The following CUL1 variants were observed in gnomAD, a reference collection of about 807,000 sequenced individuals.
The protein encoded by CUL1 is cullin 1.
Under a neutral mutation model 118.0 loss-of-function variants are expected in CUL1, and 24 were observed. The observed-to-expected ratio is 0.20, with a 90% CI of 0.15 to 0.29. CUL1 has a LOEUF of 0.29. Among genes scored for constraint, CUL1 ranks in the 10% least tolerant of loss-of-function variants. CUL1 has a pLI of 1.00. For synonymous variants in CUL1, 332 were observed against 340.4 expected (o/e 0.98, Z 0.27); for missense variants, 361 against 933.8 (o/e 0.39, Z 7.99).
At chr7:148,768,901 G>A (rs1156429785) in intron 9 of CUL1, among the ~76,000 whole-genome samples, 3 of 152,098 alleles carry the variant, frequency 2.0e-5, no homozygotes, top group Admixed American at 1.3e-4. Flanking sequence ...AATTATTAAA[G>A]GGTTGAGTAT....
At chr7:148,709,286 CA>C (rs1797977556) in intron 1 of CUL1, among the ~76,000 whole-genome samples, 1 of 152,016 alleles carries the variant, frequency 6.6e-6, no homozygotes, top group African/African-American at 2.4e-5. Flanking sequence ...TGTGATTTGG[CA>C]AAAAGAAAAA....
At position 148,767,641 on chromosome 7, in the gene CUL1, T is replaced by C; in HGVS notation, c.975T>C (p.Leu325=). Residue 325 remains leucine, a synonymous_variant, in exon 9 of 22, where the codon CTT becomes CTC. Coordinates refer to ENST00000325222, the MANE Select transcript of CUL1 (RefSeq NM_003592.3). ...KNEDLGRMYN[L]VSRIQDGLGE... is the part of the protein sequence containing the mutation. The stretch of plus-strand genomic sequence containing the variant: ...CAGATTTGGGACGCATGTATAATCT[T>C]GTATCTAGAATCCAGGATGGCCTAG... 1.2e-6 allele frequency: 2 copies of C among 1,613,886 alleles called. No homozygotes were observed. Among genetic ancestry groups the C allele is most frequent in the Admixed American group, 1.7e-5 (1 of 59,970 alleles).
intron 6 of CUL1, 93 bp from the exon 7 acceptor site, chr7:148,760,240 C>T: frequency 1.9e-6 from 2 of 1,039,996 alleles, no homozygotes; most frequent in Non-Finnish European, 2.7e-6. Flanking sequence ...ACCTTTTAAA[C>T]ATAACTTAAA....
At position 148,741,062 on chromosome 7, in the gene CUL1, T is replaced by C. The variant is rs151335974; in HGVS notation, c.140+10800T>C. Among the ~76,000 whole-genome samples the C allele has an allele frequency of 1.8e-3, 277 of 152,380 alleles. 1 individual carries two copies. The highest frequency in any genetic ancestry group is 6.2e-3 in the African/African-American group (258 of 41,586). On this transcript the variant is annotated intron_variant, in intron 2 of 21. Transcript: ENST00000325222. Reference sequence around the variant, plus strand: ...TTTAGTATAATGTTTTCTAACTTCATCCATGTTGTAGCATATGTCAGTACT... The same window carrying C: ...TTTAGTATAATGTTTTCTAACTTCACCCATGTTGTAGCATATGTCAGTACT...
intron 1 of CUL1, among the ~76,000 whole-genome samples, chr7:148,706,480 C>T (rs984219679): frequency 3.9e-5 from 6 of 152,220 alleles, no homozygotes; most frequent in African/African-American, 1.4e-4. Context: ...AGAGGGTCTC[C>T]TATTTGATGT....
At chr7:148,759,891 A>C (rs962767032) in intron 6 of CUL1, among the ~76,000 whole-genome samples, 2 of 152,176 alleles carry the variant, frequency 1.3e-5, no homozygotes, top group African/African-American at 4.8e-5. Flanking sequence ...TTCTGGTCTC[A>C]TAGTGAATTA....
intron 3 of CUL1, among the ~76,000 whole-genome samples, chr7:148,756,711 A>T (rs1017645699): frequency 6.6e-6 from 1 of 152,188 alleles, no homozygotes; most frequent in Non-Finnish European, 1.5e-5. Context: ...AATTACCCGC[A>T]TATCAAATGT....
intron 9 of CUL1, among the ~76,000 whole-genome samples, chr7:148,782,890 C>T (rs1250157000): frequency 2.0e-5 from 3 of 152,182 alleles, no homozygotes; most frequent in Non-Finnish European, 4.4e-5. Flanking sequence ...CCGGAGCTCC[C>T]TCCCACCAAC....
intron 1 of CUL1, among the ~76,000 whole-genome samples, chr7:148,717,308 G>C (rs912900492): frequency 1.3e-5 from 2 of 152,140 alleles, no homozygotes; most frequent in African/African-American, 4.8e-5. Context: ...CTGCCTGCCT[G>C]AGCCTTCCAA....
At chr7:148,726,389 A>G (rs1053791654) in intron 1 of CUL1, among the ~76,000 whole-genome samples, 2 of 142,206 alleles carry the variant, frequency 1.4e-5, no homozygotes, top group African/African-American at 5.2e-5. Context: ...GTCAAGCTTT[A>G]AAAAAAAAAA....
intron 1 of CUL1, among the ~76,000 whole-genome samples, chr7:148,700,185 A>G (rs1028681137): frequency 6.6e-6 from 1 of 152,270 alleles, no homozygotes; most frequent in African/African-American, 2.4e-5. Context: ...TGCTCTGTGT[A>G]ATTGCTCTTT....
Position 148,797,792 on chromosome 7 carries a change from CTT to C in CUL1, c.1900-16_1900-15del. ...AAATGCATTTTCCCTTTAACTTCCTCTTTTTCTCTTTAATTGCAGGACATTTT... is the reference window on the plus strand; with the variant it reads ...AAATGCATTTTCCCTTTAACTTCCTCTTTCTCTTTAATTGCAGGACATTTT... On this transcript the variant is annotated intron_variant, in intron 17 of 21. Transcript: ENST00000325222. 1 of 1,602,698 alleles carries C rather than the reference CTT, an allele frequency of 6.2e-7. No individual in the cohort carries two copies. Among genetic ancestry groups the C allele is most frequent in the East Asian group, 2.2e-5 (1 of 44,588 alleles).
intron 9 of CUL1, among the ~76,000 whole-genome samples, chr7:148,770,386 ATTAG>A (rs1800169316): frequency 6.6e-6 from 1 of 152,328 alleles, no homozygotes; most frequent in African/African-American, 2.4e-5. Flanking sequence ...AAAGTCAAAT[ATTAG>A]TTTTTTTTAG....
intron 11 of CUL1, 58 bp from the exon 12 acceptor site, chr7:148,786,493 T>TGTAGATCTC: frequency 7.7e-7 from 1 of 1,290,950 alleles, no homozygotes; most frequent in Admixed American, 1.7e-5. Context: ...TCTGGCTAAG[T>TGTAGATCTC]GGTGCTTGTT....
Position 148,729,942 on chromosome 7 carries a change from T to G in CUL1, c.-161-20T>G. ...AGTACCCCAGAGACAATCCACTGAT[T>G]CTCTTTATTTCTTCCTCAGGTTTGC... On this transcript the variant is annotated intron_variant, in intron 1 of 21. Coordinates refer to ENST00000325222, the MANE Select transcript of CUL1 (RefSeq NM_003592.3). The G allele has an allele frequency of 1.5e-6, 1 of 683,238 alleles. No homozygotes were observed. The highest frequency in any genetic ancestry group is 2.4e-6 in the Non-Finnish European group (1 of 418,318). The allele number at this position is 683,238 out of a possible 1,614,324, so 42.3% of individuals were successfully genotyped here. A position where few individuals can be genotyped will look rare whatever the true frequency, so the allele number is the denominator to read the frequency against.
chr7:148,788,437 CTTTGCTAGT>C (rs140011356), intron 13 of CUL1, 111 bp from the exon 14 acceptor site: 39,230 of 657,340 alleles, frequency 0.06, 1,464 homozygotes, highest in Middle Eastern at 0.096. Context: ...ATGTTACTAG[CTTTGCTAGT>C]AGTTCCATAT....
At chr7:148,790,220 G>A (rs902316770) in intron 15 of CUL1, 90 bp from the exon 16 acceptor site, 9 of 1,391,716 alleles carry the variant, frequency 6.5e-6, no homozygotes, top group Admixed American at 3.5e-5. Flanking sequence ...ACTTTGTACT[G>A]TAAGCTTGGA....
intron 1 of CUL1, among the ~76,000 whole-genome samples, chr7:148,705,230 G>T (rs1436311948): frequency 6.6e-6 from 1 of 152,142 alleles, no homozygotes; most frequent in East Asian, 1.9e-4. Context: ...ATTGTCTTCA[G>T]TGTGGAAGTT....
chr7:148,711,740 A>C (rs146389654), intron 1 of CUL1, among the ~76,000 whole-genome samples: 1 of 152,230 alleles, frequency 6.6e-6, no homozygotes, highest in African/African-American at 2.4e-5. Context: ...GTGATACACT[A>C]GCTTCCAAAA....
Sources: allele counts gnomAD v4.1 joint callset (sites outside exome capture counted in the v4.1 genomes callset), GRCh38; gene constraint gnomAD v4.1.1; transcripts MANE v1.5; gene names NCBI Gene and HGNC (gene_info 2026-07-23, HGNC 2026-07-21).